The following TLE4 variants were observed in gnomAD, a reference collection of about 807,000 sequenced individuals.
TLE4 encodes TLE family member 4, transcriptional corepressor, also known as transducin-like enhancer protein 4.
In TLE4, 8 loss-of-function variants were observed where a neutral mutation model predicts 92.8. That is an observed-to-expected ratio of 0.09 (90% CI 0.05 to 0.16). The LOEUF (loss-of-function observed/expected upper bound fraction) is 0.16, where lower values mean the gene tolerates loss of function less well. Ranked by LOEUF, TLE4 falls within the 10% of genes least tolerant of loss-of-function variation. The pLI is 1.00. For synonymous variants in TLE4, 371 were observed against 374.1 expected (o/e 0.99, Z 0.10); for missense variants, 675 against 997.6 (o/e 0.68, Z 4.36).
intron 6 of TLE4, among the ~76,000 whole-genome samples, chr9:79,632,186 G>A (rs1185040761): frequency 6.6e-6 from 1 of 152,148 alleles, no homozygotes; most frequent in South Asian, 2.1e-4. Context: ...AGCCTGGAAA[G>A]TGCAGGAATT....
Position 79,707,906 on chromosome 9 carries a change from G to A in TLE4, c.937-212G>A, listed in dbSNP as rs573951940. ...AATGAGCTGCTCTCCTCTAAATTCA[G>A]CTTCAGTTTATGTCTTCCCAAATAT... On this transcript the variant is annotated intron_variant, in intron 11 of 19. Transcript: ENST00000376552. Among the ~76,000 whole-genome samples, 207 of 152,246 alleles carry A rather than the reference G, an allele frequency of 1.4e-3. 1 individual carries two copies. The highest frequency in any genetic ancestry group is 6.8e-3 in the Middle Eastern group (2 of 294).
intron 4 of TLE4, among the ~76,000 whole-genome samples, chr9:79,578,333 T>C (rs1260240477): frequency 2.0e-5 from 3 of 152,198 alleles, no homozygotes; most frequent in Non-Finnish European, 4.4e-5. Context: ...CCGGGAGCCC[T>C]TGGAAGTACC....
chr9:79,625,153 G>A (rs1319931335), intron 5 of TLE4, among the ~76,000 whole-genome samples: 1 of 147,902 alleles, frequency 6.8e-6, no homozygotes, highest in Non-Finnish European at 1.5e-5. Context: ...CCAAGTAGCT[G>A]GGACTACAGG....
intron 14 of TLE4, among the ~76,000 whole-genome samples, chr9:79,713,286 A>G (rs779998396): frequency 1.3e-5 from 2 of 152,264 alleles, no homozygotes; most frequent in African/African-American, 2.4e-5. Flanking sequence ...ATGATAATCC[A>G]TATATAACAA....
chr9:79,702,194 G>T (rs1227684658), intron 8 of TLE4, among the ~76,000 whole-genome samples: 2 of 152,218 alleles, frequency 1.3e-5, no homozygotes, highest in African/African-American at 2.4e-5. Context: ...CTGGATTGGG[G>T]TGTGGAGTGA....
chr9:79,722,301 G>A (rs777673310), intron 17 of TLE4, 150 bp from the exon 18 acceptor site: 24 of 886,194 alleles, frequency 2.7e-5, no homozygotes, highest in Non-Finnish European at 3.4e-5. Context: ...CTTTGAAATC[G>A]CCCATTTGAC....
intron 8 of TLE4, 149 bp from the exon 9 acceptor site, chr9:79,704,634 G>A (rs1255961261): frequency 2.2e-5 from 21 of 959,068 alleles, no homozygotes; most frequent in Non-Finnish European, 2.8e-5. Context: ...TCTTCCTTTC[G>A]TCTCCTCCGC....
At chr9:79,676,521 T>C (rs1434970314) in intron 8 of TLE4, among the ~76,000 whole-genome samples, 3 of 151,930 alleles carry the variant, frequency 2.0e-5, no homozygotes, top group African/African-American at 4.8e-5. Context: ...CAGGAGGAGA[T>C]GGCAGGGAAA....
intron 8 of TLE4, among the ~76,000 whole-genome samples, chr9:79,685,903 G>A (rs2065742534): frequency 6.6e-6 from 1 of 152,110 alleles, no homozygotes; most frequent in Non-Finnish European, 1.5e-5. Context: ...TGACTCCCAA[G>A]TACAGATGGC....
At chr9:79,640,963 A>T (rs75391262) in intron 6 of TLE4, among the ~76,000 whole-genome samples, 5,242 of 152,156 alleles carry the variant, frequency 0.034, 306 homozygotes, top group African/African-American at 0.12. Context: ...TCACTTGTAT[A>T]TGTCAGAATG....
intron 8 of TLE4, among the ~76,000 whole-genome samples, chr9:79,691,236 A>C (rs1385451483): frequency 3.3e-5 from 5 of 152,046 alleles, no homozygotes; most frequent in Admixed American, 6.6e-5. Flanking sequence ...GCCCACACCA[A>C]CAGCATGAGT....
chr9:79,678,664 C>CCCTAAA lies in TLE4; in HGVS notation c.609+24589_609+24590insCCTAAA, dbSNP rs1288177025. ...TACTTTAAGTTTTAGGGTACATGTGCACAATGTGCAGGTTTGTTACATATG... is the reference window on the plus strand; with the variant it reads ...TACTTTAAGTTTTAGGGTACATGTGCCCTAAAACAATGTGCAGGTTTGTTACATATG... On this transcript the variant is annotated intron_variant, in intron 8 of 19. Coordinates refer to ENST00000376552, the MANE Select transcript of TLE4 (RefSeq NM_007005.6). Among the ~76,000 whole-genome samples the CCCTAAA allele has an allele frequency of 7.3e-5, 11 of 151,478 alleles. No individual in the cohort carries two copies. The South Asian group carries it at 2.3e-3, about 32-fold the overall frequency.
chr9:79,616,100 G>A (rs1588095178), intron 5 of TLE4, among the ~76,000 whole-genome samples: 3 of 152,250 alleles, frequency 2.0e-5, no homozygotes, highest in African/African-American at 4.8e-5. Context: ...GGTGGTAAAC[G>A]GGAAGCTCTT....
intron 8 of TLE4, among the ~76,000 whole-genome samples, chr9:79,682,787 G>A (rs1030170686): frequency 5.3e-5 from 8 of 152,192 alleles, no homozygotes; most frequent in Non-Finnish European, 1.2e-4. Flanking sequence ...CTTGGTTGGG[G>A]TTGCAGATCA....
chr9:79,705,787 G>C, intron 9 of TLE4, 102 bp from the exon 10 acceptor site: 1 of 1,153,278 alleles, frequency 8.7e-7, no homozygotes, highest in Non-Finnish European at 1.3e-6. Flanking sequence ...GTTTGGTACA[G>C]CTCATCTTTA....
chr9:79,577,402 A>T (rs995062402), intron 4 of TLE4, among the ~76,000 whole-genome samples: 3 of 152,216 alleles, frequency 2.0e-5, no homozygotes, highest in African/African-American at 7.2e-5. Context: ...AATTTCAGAT[A>T]CTGTTTTACT....
chr9:79,678,586 C>G (rs2063741897), intron 8 of TLE4, among the ~76,000 whole-genome samples: 1 of 150,976 alleles, frequency 6.6e-6, no homozygotes, highest in African/African-American at 2.4e-5. Context: ...CAGTGGCACT[C>G]TAGTTTAAGG....
chr9:79,580,552 A>G (rs749173874), intron 4 of TLE4, among the ~76,000 whole-genome samples: 8 of 152,132 alleles, frequency 5.3e-5, no homozygotes, highest in Non-Finnish European at 1.0e-4. Context: ...TTGAAAGTTC[A>G]TTTTAGACCA....
At chr9:79,624,177 GA>G (rs5898638) in intron 5 of TLE4, among the ~76,000 whole-genome samples, 113,622 of 132,814 alleles carry the variant, frequency 0.86, 48,397 homozygotes, top group Non-Finnish European at 0.89. Flanking sequence ...CCCGAAAATG[GA>G]AAAAAAAAAA....
Sources: gnomAD v4.1 joint callset for allele counts (sites outside exome capture counted in the v4.1 genomes callset) on GRCh38, gnomAD v4.1.1 for gene constraint, MANE v1.5 for transcripts, NCBI Gene and HGNC (gene_info 2026-07-23, HGNC 2026-07-21) for gene names.